Variants in SLC22A23 observed in about 807,000 individuals in gnomAD.
SLC22A23 encodes the protein solute carrier family 22 member 23.
Under a neutral mutation model 61.0 loss-of-function variants are expected in SLC22A23, and 26 were observed. That is an observed-to-expected ratio of 0.43 (90% CI 0.31 to 0.59). The LOEUF is 0.59. Ranked by LOEUF, SLC22A23 falls within the 20% of genes least tolerant of loss-of-function variation. SLC22A23 has a pLI of 0.11. For synonymous variants in SLC22A23, 430 were observed against 413.9 expected (o/e 1.04, Z -0.47); for missense variants, 796 against 934.7 (o/e 0.85, Z 1.94).
At chr6:3,282,383 T>C (rs1223640169) in intron 9 of SLC22A23, 3 of 694,338 alleles carry the variant, frequency 4.3e-6, no homozygotes, top group Non-Finnish European at 5.3e-6. Context: ...TTGGCATTTC[T>C]GTCCAGGTGC....
chr6:3,410,321 C>G lies in SLC22A23; in HGVS notation c.780G>C (p.Leu260=), dbSNP rs766182096. Residue 260 remains leucine (L), a synonymous_variant, in exon 3 of 10, where the codon CTG becomes CTC. Coordinates refer to ENST00000406686, the MANE Select transcript of SLC22A23 (RefSeq NM_015482.2). This position sits in a 1 kb window ranked among gnomAD's most constrained non-coding sequence, Gnocchi z 5.0. ...TCAGAATGAAGATGATGGAAAACAG[C>G]AGCACAGGCCGCCGGCCGACCCTGC... is the stretch of plus-strand genomic sequence containing the variant. ...IADWVGRRPV[L]LFSIIFILIF... is the part of the protein sequence containing the mutation. 6.2e-7 allele frequency: 1 copy of G among 1,611,162 alleles called. No homozygotes were observed. The highest frequency in any genetic ancestry group is 8.5e-7 in the Non-Finnish European group (1 of 1,178,922).
intron 3 of SLC22A23, among the ~76,000 whole-genome samples, chr6:3,357,936 GA>G (rs1419893189): frequency 6.6e-6 from 1 of 152,138 alleles, no homozygotes; most frequent in Non-Finnish European, 1.5e-5. Context: ...TCCCTTAAGG[GA>G]AAAGGAAGTA....
At chr6:3,434,876 A>AAC (rs1771105428) in intron 1 of SLC22A23, among the ~76,000 whole-genome samples, 5 of 152,298 alleles carry the variant, frequency 3.3e-5, no homozygotes, top group Non-Finnish European at 5.9e-5. Flanking sequence ...AAGAGATGTG[A>AAC]AAGTTTCCCA....
chr6:3,279,337 C>T (rs1219648858), intron 9 of SLC22A23, among the ~76,000 whole-genome samples: 1 of 150,684 alleles, frequency 6.6e-6, no homozygotes, highest in Admixed American at 6.6e-5. Flanking sequence ...ATGGTGAAAC[C>T]CCGTCTCTAC....
At chr6:3,281,048 C>T (rs910724723) in intron 9 of SLC22A23, among the ~76,000 whole-genome samples, 40 of 152,208 alleles carry the variant, frequency 2.6e-4, no homozygotes, top group Admixed American at 5.2e-4. Context: ...CCTCTCTCAC[C>T]TGGACCCCTC....
intron 1 of SLC22A23, among the ~76,000 whole-genome samples, chr6:3,437,174 G>A (rs1016828016): frequency 6.6e-6 from 1 of 151,928 alleles, no homozygotes; most frequent in African/African-American, 2.4e-5. Context: ...TGAACAACAA[G>A]AAGGCAAACG....
At position 3,286,353 on chromosome 6, in the gene SLC22A23, G is replaced by A. The variant is rs1340572902; in HGVS notation, c.1546+506C>T. Among the ~76,000 whole-genome samples, 1 of 152,176 alleles carries A rather than the reference G, an allele frequency of 6.6e-6. No individual in the cohort carries two copies. Among genetic ancestry groups the A allele is most frequent in the African/African-American group, 2.4e-5 (1 of 41,458 alleles). On this transcript the variant is annotated intron_variant, in intron 7 of 9. Transcript: ENST00000406686. This position sits in a 1 kb window ranked among gnomAD's most constrained non-coding sequence, Gnocchi z 4.2. ...CTGACCTCATGATCCGACCGCCTCA[G>A]CCTCCCAAAGTGCTGGGATTACAGG... is the stretch of plus-strand genomic sequence containing the variant.
intron 4 of SLC22A23, among the ~76,000 whole-genome samples, chr6:3,298,978 C>CAAAAAAAAAA (rs56373817): frequency 8.0e-4 from 83 of 104,106 alleles, no homozygotes; most frequent in African/African-American, 3.5e-3. Flanking sequence ...GACTCCGTCT[C>CAAAAAAAAAA]AAAAAAAAAA....
At chr6:3,352,387 T>A (rs1461313886) in intron 3 of SLC22A23, among the ~76,000 whole-genome samples, 4 of 143,508 alleles carry the variant, frequency 2.8e-5, no homozygotes, top group Admixed American at 6.8e-5. Flanking sequence ...ACAGACACAC[T>A]CACACACAGA....
chr6:3,312,100 T>A (rs1320171360), intron 4 of SLC22A23: 1 of 152,248 alleles, frequency 6.6e-6, no homozygotes, highest in Non-Finnish European at 1.5e-5. Flanking sequence ...CCAAATGAAG[T>A]CAGTGCCTAA....
At chr6:3,284,309 T>G (rs1759762816) in intron 8 of SLC22A23, among the ~76,000 whole-genome samples, 1 of 151,946 alleles carries the variant, frequency 6.6e-6, no homozygotes, top group African/African-American at 2.4e-5. Flanking sequence ...TGCCCTGGCC[T>G]ATGTTTGCTC....
At chr6:3,438,584 T>G (rs931679191) in intron 1 of SLC22A23, 3 of 449,662 alleles carry the variant, frequency 6.7e-6, no homozygotes, top group African/African-American at 6.0e-5. Context: ...AGGAATTAAT[T>G]ATGGAAAAGG....
At chr6:3,442,037 C>T (rs982841402) in intron 1 of SLC22A23, among the ~76,000 whole-genome samples, 3 of 152,136 alleles carry the variant, frequency 2.0e-5, no homozygotes, top group Non-Finnish European at 4.4e-5. Context: ...AAGTGTCTGC[C>T]GATGGGTGAA....
At chr6:3,438,692 A>T (rs1397740563) in intron 1 of SLC22A23, 1 of 368,832 alleles carries the variant, frequency 2.7e-6, no homozygotes, top group Admixed American at 3.4e-5. Context: ...GTAGAGGTTC[A>T]AAGGACCTAC....
chr6:3,456,408 T>C lies in SLC22A23; in HGVS notation c.152A>G (p.Gln51Arg). The change falls in exon 1 of 10, where the codon CAG (glutamine) becomes CGG (arginine). Residue 51 changes from glutamine (Q) to arginine (R), a missense_variant. Gln to Arg is a conservative substitution (Grantham distance 43, BLOSUM62 1). Coordinates refer to ENST00000406686, the MANE Select transcript of SLC22A23 (RefSeq NM_015482.2). The surrounding 1 kb of genome is among the most constrained non-coding windows in gnomAD (Gnocchi z 7.1). ...RAGPGGGAEI[Q>R]PLPPLHPGGG... ...TCCAGGATGCAGTGGGGGCAGCGGC[T>C]GGATCTCCGCGCCGCCGCCGGGGCC... 1 of 1,428,682 alleles carries C rather than the reference T, an allele frequency of 7.0e-7. No homozygotes were observed. The highest frequency in any genetic ancestry group is 9.2e-7 in the Non-Finnish European group (1 of 1,088,378). 88.5% of individuals were successfully genotyped at this position (1,428,682 alleles called of 1,614,324 possible).
intron 4 of SLC22A23, among the ~76,000 whole-genome samples, chr6:3,310,719 A>G (rs1284983971): frequency 6.6e-6 from 1 of 152,200 alleles, no homozygotes; most frequent in African/African-American, 2.4e-5. Flanking sequence ...TTATTCCTCT[A>G]TCCAGTTGGA....
Position 3,333,529 on chromosome 6 carries a change from C to T in SLC22A23, c.914-9527G>A, listed in dbSNP as rs538490116. The stretch of plus-strand genomic sequence containing the variant: ...CTGCTCCTCTAACCCAGCAAGCACA[C>T]CCCCCTTCTGGGCTGTGCACTCCCC... On this transcript the variant is annotated intron_variant, in intron 3 of 9. Coordinates refer to ENST00000406686, the MANE Select transcript of SLC22A23 (RefSeq NM_015482.2). This position sits in a 1 kb window ranked among gnomAD's most constrained non-coding sequence, Gnocchi z 4.1. 6.6e-6 allele frequency among the ~76,000 whole-genome samples: 1 copy of T among 152,288 alleles called. No individual in the cohort carries two copies. The highest frequency in any genetic ancestry group is 1.9e-4 in the East Asian group (1 of 5,178).
At chr6:3,355,101 G>A (rs1764988731) in intron 3 of SLC22A23, among the ~76,000 whole-genome samples, 1 of 151,568 alleles carries the variant, frequency 6.6e-6, no homozygotes, top group Admixed American at 6.6e-5. Flanking sequence ...CCACATGGCA[G>A]TATTCAAATC....
chr6:3,407,134 G>T (rs1768894795), intron 3 of SLC22A23, among the ~76,000 whole-genome samples: 1 of 152,174 alleles, frequency 6.6e-6, no homozygotes, highest in South Asian at 2.1e-4. Flanking sequence ...AAAGAAGTTG[G>T]GGCCATTACA....
Sources: allele counts gnomAD v4.1 joint callset (sites outside exome capture counted in the v4.1 genomes callset), GRCh38; gene constraint gnomAD v4.1.1; non-coding constraint Gnocchi (gnomAD v3.1); transcripts MANE v1.5; gene names NCBI Gene and HGNC (gene_info 2026-07-23, HGNC 2026-07-21).